AIM2: variants seen among roughly 807,000 people sequenced by gnomAD.
AIM2 encodes absent in melanoma 2.
AIM2 carries 30 observed loss-of-function variants against 27.7 expected under a neutral mutation model. The observed-to-expected ratio is 1.08, with a 90% CI of 0.81 to 1.47. The LOEUF (loss-of-function observed/expected upper bound fraction) is 1.47. Among genes scored for constraint, AIM2 ranks in the 40% most tolerant of loss-of-function variants. The pLI is 0.00. For synonymous variants in AIM2, 141 were observed against 145.3 expected (o/e 0.97, Z 0.21); for missense variants, 358 against 411.3 (o/e 0.87, Z 1.12).
At chr1:159,070,991 A>G (rs898869844) in intron 2 of AIM2, among the ~76,000 whole-genome samples, 1 of 152,202 alleles carries the variant, frequency 6.6e-6, no homozygotes, top group African/African-American at 2.4e-5. Context: ...TTGTCTGCCA[A>G]TTATAAATCT....
At chr1:159,059,125 C>T (rs1655749901), downstream of AIM2, among the ~76,000 whole-genome samples, 1 of 152,136 alleles carries the variant, frequency 6.6e-6, no homozygotes, top group Non-Finnish European at 1.5e-5. Flanking sequence ...TGTGGTCTGC[C>T]GTCAAAGAGT....
the AIM2 span, among the ~76,000 whole-genome samples, chr1:159,055,400 C>T: frequency 1.3e-5 from 2 of 152,186 alleles, no homozygotes; most frequent in Non-Finnish European, 2.9e-5. Flanking sequence ...TGCTGTGTTA[C>T]TGTTTTAGCC....
chr1:159,131,733 G>A (rs863025), intron 1 of AIM2, among the ~76,000 whole-genome samples: 19,740 of 151,428 alleles, frequency 0.13, 1,774 homozygotes, highest in Non-Finnish European at 0.2. Flanking sequence ...TTAGGAGACT[G>A]TTCAATAATA....
intron 1 of AIM2, among the ~76,000 whole-genome samples, chr1:159,110,198 T>A (rs974439100): frequency 6.6e-6 from 1 of 152,156 alleles, no homozygotes; most frequent in East Asian, 1.9e-4. Flanking sequence ...GACTGTAGTA[T>A]ATATACACAA....
chr1:159,094,688 ACT>A (rs1290023648), intron 1 of AIM2, among the ~76,000 whole-genome samples: 2 of 152,168 alleles, frequency 1.3e-5, no homozygotes, highest in African/African-American at 4.8e-5. Flanking sequence ...ACAGAGCGAG[ACT>A]CTGTCTCCGA....
chr1:159,116,567 G>C (rs1456406392), intron 1 of AIM2, among the ~76,000 whole-genome samples: 1 of 152,072 alleles, frequency 6.6e-6, no homozygotes, highest in African/African-American at 2.4e-5. Flanking sequence ...ATCATTCTTA[G>C]CAAACTATCA....
chr1:159,077,779 T>G (rs770128381), upstream of AIM2, among the ~76,000 whole-genome samples: 1 of 152,210 alleles, frequency 6.6e-6, no homozygotes, highest in Non-Finnish European at 1.5e-5. Flanking sequence ...TTGATTCTAG[T>G]CAGCAATTTA....
At chr1:159,085,454 T>TCTCC (rs1656886200) in intron 1 of AIM2, among the ~76,000 whole-genome samples, 2 of 151,932 alleles carry the variant, frequency 1.3e-5, no homozygotes, top group African/African-American at 4.8e-5. Context: ...AGACAGGGAG[T>TCTCC]ACCCAAGGAG....
At chr1:159,137,358 T>C (rs961418185) in intron 1 of AIM2, among the ~76,000 whole-genome samples, 1 of 152,080 alleles carries the variant, frequency 6.6e-6, no homozygotes, top group Non-Finnish European at 1.5e-5. Flanking sequence ...AATGACCTAT[T>C]AAAACCTACG....
At chr1:159,120,579 T>C (rs1235229589) in intron 1 of AIM2, among the ~76,000 whole-genome samples, 1 of 152,204 alleles carries the variant, frequency 6.6e-6, no homozygotes, top group Non-Finnish European at 1.5e-5. Flanking sequence ...TCCTTCATCA[T>C]TATAACCCTT....
At chr1:159,105,250 G>A (rs888562352) in intron 1 of AIM2, among the ~76,000 whole-genome samples, 9 of 152,236 alleles carry the variant, frequency 5.9e-5, no homozygotes, top group East Asian at 1.9e-4. Context: ...TGGACCAGAC[G>A]TACTGCAACT....
intron 1 of AIM2, among the ~76,000 whole-genome samples, chr1:159,075,924 A>G (rs971343294): frequency 3.9e-5 from 6 of 152,198 alleles, no homozygotes; most frequent in African/African-American, 1.4e-4. Flanking sequence ...ATGTTAATAA[A>G]TTCTAAACTA....
chr1:159,061,694 C>T (rs900460319), downstream of AIM2, among the ~76,000 whole-genome samples: 4 of 151,568 alleles, frequency 2.6e-5, no homozygotes, highest in Admixed American at 6.6e-5. Context: ...TGTGAGCCAC[C>T]GTGCCTGGCC....
At chr1:159,122,679 G>C (rs1454983663) in intron 1 of AIM2, among the ~76,000 whole-genome samples, 2 of 152,206 alleles carry the variant, frequency 1.3e-5, no homozygotes, top group African/African-American at 2.4e-5. Flanking sequence ...CAAAGACCTT[G>C]GTTCTCGGCA....
In AIM2 at chr1:159,073,503, A is replaced by G. The variant is rs757699983; in HGVS notation, c.-4T>C. ...TCTCCTTGTATTTACTCTCCATCTG[A>G]CAACTTTGGGATCAGCCTATAAGGA... On this transcript the variant is annotated 5_prime_UTR_variant, in exon 2 of 6. Transcript: ENST00000368130. The G allele has an allele frequency of 3.7e-6, 6 of 1,612,946 alleles. No individual in the cohort carries two copies. In the Admixed American group the frequency reaches 1.0e-4, roughly 27 times the overall value.
intron 1 of AIM2, among the ~76,000 whole-genome samples, chr1:159,124,331 T>C (rs949136778): frequency 6.6e-6 from 1 of 152,210 alleles, no homozygotes; most frequent in African/African-American, 2.4e-5. Flanking sequence ...TTTTTTACAT[T>C]CTCAAAGAAT....
chr1:159,112,351 T>C (rs1233959332), intron 1 of AIM2, among the ~76,000 whole-genome samples: 1 of 152,174 alleles, frequency 6.6e-6, no homozygotes, highest in Non-Finnish European at 1.5e-5. Context: ...TTCTATGCAA[T>C]GATTAAACAT....
intron 1 of AIM2, among the ~76,000 whole-genome samples, chr1:159,119,998 A>T (rs1647489229): frequency 6.6e-6 from 1 of 152,110 alleles, no homozygotes; most frequent in African/African-American, 2.4e-5. Flanking sequence ...GCATTATGTT[A>T]TATATAATCT....
intron 1 of AIM2, among the ~76,000 whole-genome samples, chr1:159,088,697 C>CTAA (rs1656978384): frequency 6.6e-6 from 1 of 152,038 alleles, no homozygotes; most frequent in Non-Finnish European, 1.5e-5. Context: ...GCTTAATGGA[C>CTAA]TAATAGCTTA....
Sources: allele counts gnomAD v4.1 joint callset (sites outside exome capture counted in the v4.1 genomes callset), GRCh38; gene constraint gnomAD v4.1.1; transcripts MANE v1.5; gene names NCBI Gene and HGNC (gene_info 2026-07-23, HGNC 2026-07-21).